Variants in KCNH7 observed in about 807,000 individuals in gnomAD.
The protein encoded by KCNH7 is potassium voltage-gated channel subfamily H member 7.
A neutral mutation model predicts 120.8 loss-of-function variants in KCNH7; 49 were observed. That is an observed-to-expected ratio of 0.41 (90% CI 0.32 to 0.51). The LOEUF (loss-of-function observed/expected upper bound fraction) is 0.51. Ranked by LOEUF, KCNH7 falls within the 20% of genes least tolerant of loss-of-function variation. The pLI is 0.38. For synonymous variants in KCNH7, 547 were observed against 516.1 expected, an observed-to-expected ratio of 1.06 and a Z score of -0.81; for missense variants, 1,097 against 1,446.6, an observed-to-expected ratio of 0.76 and a Z score of 3.92.
At chr2:162,438,409 G>C (rs918681554) in intron 7 of KCNH7, among the ~76,000 whole-genome samples, 1 of 152,018 alleles carries the variant, frequency 6.6e-6, no homozygotes, top group Non-Finnish European at 1.5e-5. Context: ...TCAATATAAT[G>C]TGCATAGTAA....
rs1191413127 is a variant in KCNH7 at position 162,608,649 on chromosome 2, C to A, written c.308-71569G>T. Among the ~76,000 whole-genome samples, 4 of 152,298 alleles carry A rather than the reference C, an allele frequency of 2.6e-5. No individual in the cohort carries two copies. In the East Asian group the frequency reaches 7.7e-4, roughly 29 times the overall value. On this transcript the variant is annotated intron_variant, in intron 2 of 15. Transcript: ENST00000332142. ...CCTAACATCCGCTGAAGGTTCCATGCATTCTTCCAACTCTGCCTTTAATCA... is the reference window on the plus strand; with the variant it reads ...CCTAACATCCGCTGAAGGTTCCATGAATTCTTCCAACTCTGCCTTTAATCA...
chr2:162,505,588 G>A (rs1373933401), intron 5 of KCNH7, among the ~76,000 whole-genome samples: 1 of 151,868 alleles, frequency 6.6e-6, no homozygotes, highest in African/African-American at 2.4e-5. Context: ...TCTGTTGTCT[G>A]TTGCTTATGG....
intron 2 of KCNH7, among the ~76,000 whole-genome samples, chr2:162,753,775 G>A (rs1449405490): frequency 6.6e-6 from 1 of 152,026 alleles, no homozygotes. Context: ...CTAGATGAAT[G>A]ACTTGGGTTC....
chr2:162,394,326 T>C, intron 12 of KCNH7, 63 bp downstream of exon 12: 1 of 955,348 alleles, frequency 1.0e-6, no homozygotes, highest in Non-Finnish European at 1.7e-6. Flanking sequence ...AAAATGAACA[T>C]TTAAGTAAGA....
intron 2 of KCNH7, among the ~76,000 whole-genome samples, chr2:162,723,380 G>A (rs1687400440): frequency 6.6e-6 from 1 of 152,016 alleles, no homozygotes; most frequent in South Asian, 2.1e-4. Flanking sequence ...GCCAATTGAA[G>A]GGATATCCAG....
chr2:162,396,290 AC>A (rs1686910543), intron 11 of KCNH7, among the ~76,000 whole-genome samples: 1 of 151,846 alleles, frequency 6.6e-6, no homozygotes, highest in Non-Finnish European at 1.5e-5. Flanking sequence ...TAAATAGGAA[AC>A]TAAACTTGAA....
intron 9 of KCNH7, among the ~76,000 whole-genome samples, chr2:162,415,923 G>A (rs541750886): frequency 6.6e-6 from 1 of 152,084 alleles, no homozygotes; most frequent in South Asian, 2.1e-4. Context: ...ATTTCTCTAG[G>A]CCAGCCTATA....
At chr2:162,509,873 A>C (rs2105766081) in intron 5 of KCNH7, among the ~76,000 whole-genome samples, 1 of 151,760 alleles carries the variant, frequency 6.6e-6, no homozygotes, top group South Asian at 2.1e-4. Flanking sequence ...AATGGAACAC[A>C]CCAATGTCAG....
At chr2:162,570,193 G>T (rs1477081981) in intron 2 of KCNH7, among the ~76,000 whole-genome samples, 1 of 148,746 alleles carries the variant, frequency 6.7e-6, no homozygotes, top group African/African-American at 2.5e-5. Context: ...CTCAGGACTT[G>T]CTTTATGAAT....
intron 6 of KCNH7, among the ~76,000 whole-genome samples, chr2:162,487,660 T>G (rs1690147578): frequency 6.6e-6 from 1 of 152,196 alleles, no homozygotes; most frequent in South Asian, 2.1e-4. Flanking sequence ...TCTAACTGCA[T>G]ATTTTTCCAT....
chr2:162,760,505 C>T (rs920086771), intron 2 of KCNH7, among the ~76,000 whole-genome samples: 1 of 151,966 alleles, frequency 6.6e-6, no homozygotes, highest in African/African-American at 2.4e-5. Flanking sequence ...ATGTCTATGC[C>T]TTGTAGGTTT....
At chr2:162,378,009 A>G (rs770132747) in intron 14 of KCNH7, among the ~76,000 whole-genome samples, 3 of 152,200 alleles carry the variant, frequency 2.0e-5, no homozygotes, top group Non-Finnish European at 4.4e-5. Flanking sequence ...ATTGGCACCC[A>G]TGACAGAGCA....
At chr2:162,724,671 C>CAAAAAAAAAAA (rs71009368) in intron 2 of KCNH7, among the ~76,000 whole-genome samples, 15 of 123,896 alleles carry the variant, frequency 1.2e-4, no homozygotes, top group African/African-American at 4.1e-4. Context: ...GACTCCGTCT[C>CAAAAAAAAAAA]AAAAAAAAAA....
At chr2:162,635,614 C>A (rs560418886) in intron 2 of KCNH7, among the ~76,000 whole-genome samples, 1 of 152,134 alleles carries the variant, frequency 6.6e-6, no homozygotes, top group Non-Finnish European at 1.5e-5. Context: ...CCTGCTAATT[C>A]TTTTTGAATA....
chr2:162,734,675 T>C (rs1687839242), intron 2 of KCNH7, among the ~76,000 whole-genome samples: 1 of 151,628 alleles, frequency 6.6e-6, no homozygotes, highest in South Asian at 2.1e-4. Context: ...TTCAAACTCA[T>C]GGCATAAATC....
At chr2:162,503,414 C>T (rs1690756687) in intron 6 of KCNH7, among the ~76,000 whole-genome samples, 1 of 151,932 alleles carries the variant, frequency 6.6e-6, no homozygotes, top group African/African-American at 2.4e-5. Flanking sequence ...GAAAAGAAAG[C>T]CTCTTCACTA....
intron 2 of KCNH7, among the ~76,000 whole-genome samples, chr2:162,727,560 C>G (rs1395687378): frequency 6.6e-6 from 1 of 152,100 alleles, no homozygotes; most frequent in Non-Finnish European, 1.5e-5. Context: ...TTAAAGAATT[C>G]CATATACATA....
intron 2 of KCNH7, among the ~76,000 whole-genome samples, chr2:162,630,227 A>C (rs1007365513): frequency 6.6e-6 from 1 of 152,134 alleles, no homozygotes; most frequent in East Asian, 1.9e-4. Context: ...AATTCTCCAC[A>C]AAGTCCTACA....
chr2:162,784,766 T>A (rs1158492858), intron 2 of KCNH7: 2 of 152,174 alleles, frequency 1.3e-5, no homozygotes, highest in Non-Finnish European at 2.9e-5. Context: ...AGATATTACA[T>A]GAGTGTTAGA....
Sources: gnomAD v4.1 joint callset for allele counts (sites outside exome capture counted in the v4.1 genomes callset) on GRCh38, gnomAD v4.1.1 for gene constraint, MANE v1.5 for transcripts, NCBI Gene and HGNC (gene_info 2026-07-23, HGNC 2026-07-21) for gene names.